Variants in CRIM1 observed in about 807,000 individuals in gnomAD.
CRIM1 encodes cysteine-rich motor neuron 1 protein.
A neutral mutation model predicts 116.4 loss-of-function variants in CRIM1; 32 were observed. That is an observed-to-expected ratio of 0.27 (90% CI 0.21 to 0.37). The LOEUF is 0.37. Among genes scored for constraint, CRIM1 ranks in the 10% least tolerant of loss-of-function variants. CRIM1 has a pLI of 1.00. For missense variants in CRIM1, 1,331 were observed against 1,354.8 expected (o/e 0.98, Z 0.28); for synonymous variants, 590 against 509.2 (o/e 1.16, Z -2.13).
chr2:36,514,795 T>C (rs954478412), intron 11 of CRIM1, among the ~76,000 whole-genome samples: 3 of 152,174 alleles, frequency 2.0e-5, no homozygotes, highest in African/African-American at 7.2e-5. Context: ...TTCGCCATGG[T>C]TGGGGAGCAG....
chr2:36,495,399 C>CT (rs556641927), intron 7 of CRIM1, among the ~76,000 whole-genome samples: 17 of 151,850 alleles, frequency 1.1e-4, no homozygotes, highest in Non-Finnish European at 2.1e-4. Flanking sequence ...TCAGAATGCT[C>CT]TAACTTTTAG....
At chr2:36,474,580 G>T (rs1678808126) in intron 5 of CRIM1, among the ~76,000 whole-genome samples, 1 of 151,988 alleles carries the variant, frequency 6.6e-6, no homozygotes, top group Non-Finnish European at 1.5e-5. Context: ...CTCAGGCCTG[G>T]CATGGTGGCT....
At chr2:36,467,367 T>G (rs1213501597) in intron 5 of CRIM1, among the ~76,000 whole-genome samples, 2 of 152,250 alleles carry the variant, frequency 1.3e-5, no homozygotes, top group Non-Finnish European at 2.9e-5. Context: ...TCTTTTGATA[T>G]ATACATTCAT....
At chr2:36,501,699 G>A (rs1476686803) in intron 8 of CRIM1, among the ~76,000 whole-genome samples, 1 of 152,100 alleles carries the variant, frequency 6.6e-6, no homozygotes, top group African/African-American at 2.4e-5. Flanking sequence ...TCCAGCCTGG[G>A]TGACAGAGCA....
At chr2:36,380,725 C>T (rs1670681922) in intron 1 of CRIM1, among the ~76,000 whole-genome samples, 2 of 152,172 alleles carry the variant, frequency 1.3e-5, no homozygotes, top group South Asian at 4.1e-4. Flanking sequence ...GTTCGTTAGC[C>T]AAAAAATCAT....
At chr2:36,501,628 G>A (rs999717810) in intron 8 of CRIM1, among the ~76,000 whole-genome samples, 6 of 152,146 alleles carry the variant, frequency 3.9e-5, no homozygotes, top group Non-Finnish European at 5.9e-5. Flanking sequence ...AGTCTAAGGT[G>A]GGGCGATCTC....
chr2:36,529,332 T>C, intron 13 of CRIM1: 1 of 339,628 alleles, frequency 2.9e-6, no homozygotes, highest in Non-Finnish European at 6.1e-6. Context: ...ATCTGGAAGG[T>C]CCAATGGCTT....
chr2:36,403,832 T>C (rs1672593446), intron 2 of CRIM1, among the ~76,000 whole-genome samples: 1 of 152,072 alleles, frequency 6.6e-6, no homozygotes, highest in African/African-American at 2.4e-5. Context: ...TGTTTGGTTA[T>C]GTTTGAGGTA....
intron 2 of CRIM1, among the ~76,000 whole-genome samples, chr2:36,432,367 G>A (rs550132286): frequency 2.6e-5 from 4 of 152,228 alleles, no homozygotes; most frequent in East Asian, 3.9e-4. Flanking sequence ...GTTATGGTGT[G>A]TGAATATATA....
At chr2:36,547,224 A>C in intron 16 of CRIM1, 53 bp downstream of exon 16, 1 of 1,436,256 alleles carries the variant, frequency 7.0e-7, no homozygotes, top group South Asian at 1.2e-5. Context: ...GAAAACTTAC[A>C]CTCATATTGA....
intron 1 of CRIM1, among the ~76,000 whole-genome samples, chr2:36,380,856 T>G (rs1670691756): frequency 1.3e-5 from 2 of 152,208 alleles, no homozygotes; most frequent in Non-Finnish European, 2.9e-5. Context: ...ATTAAGGAAG[T>G]GAGACCCATA....
intron 1 of CRIM1, among the ~76,000 whole-genome samples, chr2:36,374,001 A>G (rs1282722947): frequency 6.6e-6 from 1 of 152,234 alleles, no homozygotes; most frequent in Non-Finnish European, 1.5e-5. Context: ...AGTGGCTTAC[A>G]TAAAGCCGTG....
At position 36,543,701 on chromosome 2, in the gene CRIM1, T is replaced by TA. The variant is rs1558421960; in HGVS notation, c.2624-675_2624-674insA. ...AGAAAAGTTCTGATTTTTTTTTTTT[T>TA]TAAAAAGACCTGATATTTGAGATAA... On this transcript the variant is annotated intron_variant, in intron 14 of 16. Coordinates refer to ENST00000280527, the MANE Select transcript of CRIM1 (RefSeq NM_016441.3). Among the ~76,000 whole-genome samples the TA allele has an allele frequency of 7.6e-4, 99 of 130,358 alleles. 1 individual carries two copies. The highest frequency in any genetic ancestry group is 2.7e-3 in the South Asian group (10 of 3,686). 85.5% of individuals were successfully genotyped at this position (130,358 alleles called of 152,430 possible).
At chr2:36,408,179 G>C (rs888075) in intron 2 of CRIM1, among the ~76,000 whole-genome samples, 113,214 of 152,168 alleles carry the variant, frequency 0.74, 43,432 homozygotes, top group East Asian at 0.98. Context: ...CAACCTGACA[G>C]GTTGAGCCAG....
At chr2:36,464,861 G>T (rs1278226364) in intron 5 of CRIM1, among the ~76,000 whole-genome samples, 1 of 152,178 alleles carries the variant, frequency 6.6e-6, no homozygotes, top group Non-Finnish European at 1.5e-5. Flanking sequence ...TCAGAAGGAG[G>T]ATTCTGGAAA....
intron 4 of CRIM1, among the ~76,000 whole-genome samples, chr2:36,462,244 G>A (rs902968761): frequency 9.9e-5 from 15 of 152,148 alleles, no homozygotes; most frequent in African/African-American, 2.4e-4. Context: ...TTAGGAAGAC[G>A]TAATGCATAT....
intron 1 of CRIM1, among the ~76,000 whole-genome samples, chr2:36,364,923 CT>C (rs1293936749): frequency 1.3e-5 from 2 of 152,048 alleles, no homozygotes; most frequent in Non-Finnish European, 2.9e-5. Flanking sequence ...AATTTCCATT[CT>C]ATTTTCTATC....
intron 2 of CRIM1, among the ~76,000 whole-genome samples, chr2:36,423,023 T>G (rs1674186273): frequency 6.6e-6 from 1 of 152,212 alleles, no homozygotes; most frequent in African/African-American, 2.4e-5. Flanking sequence ...GAAACAGAAT[T>G]TAGGGTGCTT....
chr2:36,411,872 T>G (rs1673236409), intron 2 of CRIM1, among the ~76,000 whole-genome samples: 1 of 152,190 alleles, frequency 6.6e-6, no homozygotes. Context: ...TGTAAATAGC[T>G]TATAGAGGAT....
Sources: gnomAD v4.1 joint callset for allele counts (sites outside exome capture counted in the v4.1 genomes callset) on GRCh38, gnomAD v4.1.1 for gene constraint, MANE v1.5 for transcripts, NCBI Gene and HGNC (gene_info 2026-07-23, HGNC 2026-07-21) for gene names.